ATXN1: variants seen among roughly 807,000 people sequenced by gnomAD.
ATXN1 encodes the protein ataxin 1, also known as ataxin-1.
ATXN1 carries 8 observed loss-of-function variants against 56.4 expected under a neutral mutation model. That is an observed-to-expected ratio of 0.14 (90% CI 0.08 to 0.26). The LOEUF is 0.26. ATXN1 is among the 10% of genes least tolerant of loss of function. The pLI is 1.00. For missense variants in ATXN1, 987 were observed against 1,106.5 expected (o/e 0.89, Z 1.53); for synonymous variants, 514 against 494.6 (o/e 1.04, Z -0.52).
intron 6 of ATXN1, among the ~76,000 whole-genome samples, chr6:16,432,313 C>A (rs1196914099): frequency 6.6e-6 from 1 of 152,202 alleles, no homozygotes; most frequent in African/African-American, 2.4e-5. Flanking sequence ...GGCTGCCAGG[C>A]TCATGCTGAG....
Position 16,730,487 on chromosome 6 carries a change from G to GTGTGTGTATATATATATATA in ATXN1, c.-615+22745_-615+22746insTATATATATATATACACACA, listed in dbSNP as rs141836403. Among the ~76,000 whole-genome samples, 30 of 132,052 alleles carry GTGTGTGTATATATATATATA rather than the reference G, an allele frequency of 2.3e-4. 1 individual carries two copies. The highest frequency in any genetic ancestry group is 8.0e-4 in the African/African-American group (30 of 37,274). The allele number at this position is 132,052 out of a possible 152,430, so 86.6% of individuals were successfully genotyped here. A position where few individuals can be genotyped will look rare whatever the true frequency, so the allele number is the denominator to read the frequency against. On this transcript the variant is annotated intron_variant, in intron 2 of 7. Transcript: ENST00000436367. ...CTGGAGTTAAAGGGTAAAACAGTAT[G>GTGTGTGTATATATATATATA]TATATATATATATATATATAAATGT...
At chr6:16,332,494 T>C (rs1003543501) in intron 6 of ATXN1, among the ~76,000 whole-genome samples, 1 of 152,194 alleles carries the variant, frequency 6.6e-6, no homozygotes, top group Non-Finnish European at 1.5e-5. Flanking sequence ...CTCTGTGTCC[T>C]GAATTGCCCT....
chr6:16,627,616 A>G (rs1056124912), intron 3 of ATXN1, among the ~76,000 whole-genome samples: 1 of 151,980 alleles, frequency 6.6e-6, no homozygotes, highest in South Asian at 2.1e-4. Flanking sequence ...CATACTAGCT[A>G]CTCGGGAGGC....
At chr6:16,590,190 C>A (rs1269356202) in intron 3 of ATXN1, among the ~76,000 whole-genome samples, 1 of 152,028 alleles carries the variant, frequency 6.6e-6, no homozygotes, top group Admixed American at 6.5e-5. Context: ...AATGAATATG[C>A]CATAAAATGT....
intron 4 of ATXN1, among the ~76,000 whole-genome samples, chr6:16,564,600 A>G (rs1762179586): frequency 6.6e-6 from 1 of 152,276 alleles, no homozygotes; most frequent in Non-Finnish European, 1.5e-5. Context: ...GAAAGAAGTC[A>G]GTCACAGAAG....
At chr6:16,752,994 C>A in intron 2 of ATXN1, 1 of 292,468 alleles carries the variant, frequency 3.4e-6, no homozygotes, top group South Asian at 2.9e-5. Context: ...TCAATCATCG[C>A]AAAGTCAAAT....
chr6:16,739,799 C>G lies in ATXN1; in HGVS notation c.-615+13434G>C, dbSNP rs1039209483. 6.6e-6 allele frequency: 3 copies of G among 456,504 alleles called. No individual in the cohort carries two copies. In the Admixed American group the frequency reaches 7.0e-5, roughly 11 times the overall value. The allele number at this position is 456,504 out of a possible 1,614,324, so 28.3% of individuals were successfully genotyped here. A position where few individuals can be genotyped will look rare whatever the true frequency, so the allele number is the denominator to read the frequency against. On this transcript the variant is annotated intron_variant, in intron 2 of 7. Transcript: ENST00000436367. ...GGTGGCCCAGAATAAAATGGTGACA[C>G]ATTATGCCTCCTGGCGAGTTCATAA...
intron 2 of ATXN1, among the ~76,000 whole-genome samples, chr6:16,695,003 T>A (rs1759133322): frequency 1.3e-5 from 2 of 152,184 alleles, no homozygotes; most frequent in African/African-American, 4.8e-5. Context: ...AATGACTGGC[T>A]TCTATTCACA....
chr6:16,708,054 G>A (rs930264937), intron 2 of ATXN1, among the ~76,000 whole-genome samples: 1 of 152,088 alleles, frequency 6.6e-6, no homozygotes, highest in Non-Finnish European at 1.5e-5. Flanking sequence ...TATGTGGTGG[G>A]GGGGAAGAAT....
At chr6:16,394,576 C>T (rs1041427519) in intron 6 of ATXN1, among the ~76,000 whole-genome samples, 11 of 152,150 alleles carry the variant, frequency 7.2e-5, no homozygotes, top group Admixed American at 6.5e-4. Context: ...TCAAATTCCT[C>T]TTGTCTAGTT....
intron 2 of ATXN1, among the ~76,000 whole-genome samples, chr6:16,724,684 G>A (rs1759812309): frequency 1.3e-5 from 2 of 152,176 alleles, no homozygotes; most frequent in Non-Finnish European, 2.9e-5. Context: ...AGAACCTGAG[G>A]AATGACGCCT....
chr6:16,585,172 T>C (rs971723973), intron 4 of ATXN1, among the ~76,000 whole-genome samples: 3 of 151,990 alleles, frequency 2.0e-5, no homozygotes, highest in Non-Finnish European at 4.4e-5. Context: ...ACTTGAGCCT[T>C]GGAGGTGGAA....
intron 5 of ATXN1, among the ~76,000 whole-genome samples, chr6:16,500,681 A>G (rs1760867224): frequency 4.6e-5 from 7 of 151,242 alleles, no homozygotes; most frequent in Admixed American, 4.0e-4. Flanking sequence ...GAGATGTAGT[A>G]ATTCTTTCCA....
intron 2 of ATXN1, among the ~76,000 whole-genome samples, chr6:16,695,278 T>A (rs1176381255): frequency 6.6e-6 from 1 of 152,216 alleles, no homozygotes; most frequent in Non-Finnish European, 1.5e-5. Context: ...TTGGGAAAAA[T>A]CTGTTTCATG....
chr6:16,704,979 C>T (rs995257228), intron 2 of ATXN1, among the ~76,000 whole-genome samples: 36 of 152,176 alleles, frequency 2.4e-4, no homozygotes, highest in Non-Finnish European at 5.1e-4. Context: ...CTGCAGGCCC[C>T]CTTGCCTCCT....
intron 6 of ATXN1, among the ~76,000 whole-genome samples, chr6:16,399,815 G>C (rs1235846626): frequency 6.6e-6 from 1 of 152,074 alleles, no homozygotes; most frequent in Non-Finnish European, 1.5e-5. Flanking sequence ...GGATGATCTG[G>C]GCCCCAAATG....
intron 7 of ATXN1, among the ~76,000 whole-genome samples, chr6:16,312,982 A>C (rs184482277): frequency 6.6e-6 from 1 of 152,268 alleles, no homozygotes; most frequent in Admixed American, 6.5e-5. Flanking sequence ...GGTTCAAGCT[A>C]TTCTCCTGTC....
intron 6 of ATXN1, among the ~76,000 whole-genome samples, chr6:16,447,727 C>T (rs1213279003): frequency 6.6e-6 from 1 of 152,176 alleles, no homozygotes; most frequent in East Asian, 1.9e-4. Flanking sequence ...GTAAGCATTA[C>T]TAAAATGCTA....
intron 2 of ATXN1, among the ~76,000 whole-genome samples, chr6:16,729,521 G>T (rs1185651416): frequency 1.3e-5 from 2 of 152,224 alleles, no homozygotes; most frequent in South Asian, 2.1e-4. Flanking sequence ...CGAATTTTAG[G>T]CATTGCAACT....
Sources: gnomAD v4.1 joint callset for allele counts (sites outside exome capture counted in the v4.1 genomes callset) on GRCh38, gnomAD v4.1.1 for gene constraint, MANE v1.5 for transcripts, NCBI Gene and HGNC (gene_info 2026-07-23, HGNC 2026-07-21) for gene names.